The following AVEN variants were observed in gnomAD, a reference collection of about 807,000 sequenced individuals.
AVEN encodes the protein apoptosis and caspase activation inhibitor, also known as cell death regulator Aven.
In AVEN, 41 loss-of-function variants were observed where a neutral mutation model predicts 38.1. The observed-to-expected ratio is 1.08, with a 90% confidence interval of 0.84 to 1.40. AVEN has a LOEUF of 1.40. AVEN is among the 40% of genes most tolerant of loss of function. AVEN has a pLI of 0.00. For synonymous variants in AVEN, 206 were observed against 171.8 expected (o/e 1.20, Z -1.56); for missense variants, 605 against 438.8 (o/e 1.38, Z -3.38).
intron 1 of AVEN, chr15:34,018,174 T>G (rs752618259): frequency 6.6e-6 from 1 of 152,222 alleles, no homozygotes; most frequent in Non-Finnish European, 1.5e-5. Flanking sequence ...AAGAAGGCAT[T>G]GTTACATAGG....
chr15:33,950,115 G>C (rs1182518047), intron 2 of AVEN, among the ~76,000 whole-genome samples: 1 of 152,214 alleles, frequency 6.6e-6, no homozygotes, highest in Non-Finnish European at 1.5e-5. Context: ...GCCAGGCACA[G>C]CAAGACAAAT....
chr15:33,857,923 C>A (rs1158674603), downstream of AVEN: 1 of 1,380,066 alleles, frequency 7.2e-7, no homozygotes, highest in African/African-American at 3.6e-5. Context: ...CGGTGAGAGC[C>A]CACCCACTGC....
At position 33,914,415 on chromosome 15, in the gene AVEN, G is replaced by T. The variant is rs117616536; in HGVS notation, c.446-38420C>A. Among the ~76,000 whole-genome samples, 587 of 151,962 alleles carry T rather than the reference G, an allele frequency of 3.9e-3. 1 individual carries two copies. The highest frequency in any genetic ancestry group is 6.6e-3 in the Non-Finnish European group (448 of 67,976). On this transcript the variant is annotated intron_variant, in intron 2 of 5. Coordinates refer to ENST00000306730, the MANE Select transcript of AVEN (RefSeq NM_020371.3). ...AAAGTACATCTCAAATCACAAAGAT[G>T]ACCTTTTTAATACATAGGACTGGTA...
Position 34,063,227 on chromosome 15 carries a change from G to C in AVEN, n.1332C>G. On this transcript the variant is annotated non_coding_transcript_exon_variant, in exon 5 of 12. Coordinates refer to the AVEN transcript ENST00000675287. The surrounding 1 kb of genome is among the most constrained non-coding windows in gnomAD (Gnocchi z 4.1). ...GGGCCCCAGCAATCCTCTGCTGGCA[G>C]TACTTGGTTGGGAAGCGGACAGTTC... 1 of 1,614,178 alleles carries C rather than the reference G, an allele frequency of 6.2e-7. No individual in the cohort carries two copies. The highest frequency in any genetic ancestry group is 8.5e-7 in the Non-Finnish European group (1 of 1,180,044).
chr15:34,058,143 A>T (rs1414046408), intron 5 of AVEN, among the ~76,000 whole-genome samples: 1 of 152,160 alleles, frequency 6.6e-6, no homozygotes, highest in Non-Finnish European at 1.5e-5. Flanking sequence ...CCTTCAAATG[A>T]TCGAATGAGG....
At chr15:34,060,905 A>G (rs1417860845) in intron 5 of AVEN, among the ~76,000 whole-genome samples, 3 of 151,900 alleles carry the variant, frequency 2.0e-5, no homozygotes, top group Non-Finnish European at 4.4e-5. Flanking sequence ...AGTCCCAGCT[A>G]CTGGGGAGGC....
chr15:33,964,984 T>C (rs976096557), intron 2 of AVEN, among the ~76,000 whole-genome samples: 3 of 152,182 alleles, frequency 2.0e-5, no homozygotes, highest in Non-Finnish European at 4.4e-5. Flanking sequence ...ATACCACAGT[T>C]CAACATCTTA....
intron 1 of AVEN, among the ~76,000 whole-genome samples, chr15:34,006,268 G>A (rs561612441): frequency 2.0e-5 from 3 of 150,600 alleles, no homozygotes; most frequent in Non-Finnish European, 4.4e-5. Context: ...TCAAGATCAC[G>A]CCATTGCAAT....
At chr15:33,916,069 C>T (rs1222895901) in intron 2 of AVEN, among the ~76,000 whole-genome samples, 1 of 152,132 alleles carries the variant, frequency 6.6e-6, no homozygotes. Context: ...CTGCTCCCAT[C>T]TGATGGTTTT....
intron 2 of AVEN, among the ~76,000 whole-genome samples, chr15:33,945,902 A>G (rs1894491872): frequency 6.6e-6 from 1 of 152,212 alleles, no homozygotes; most frequent in Non-Finnish European, 1.5e-5. Flanking sequence ...GTTTATTTTT[A>G]AATAATTTCA....
intron 5 of AVEN, among the ~76,000 whole-genome samples, chr15:33,867,242 T>C (rs142105702): frequency 1.3e-5 from 2 of 152,282 alleles, no homozygotes; most frequent in Admixed American, 6.5e-5. Flanking sequence ...GGAAATTCCA[T>C]TTGCAGCCCC....
chr15:34,066,452 C>T (rs141030936), intron 3 of AVEN: 17 of 152,332 alleles, frequency 1.1e-4, no homozygotes, highest in African/African-American at 4.1e-4. Context: ...GGGCACTCCT[C>T]GCACACTCCG....
chr15:33,877,859 G>C (rs1475228965), intron 2 of AVEN, among the ~76,000 whole-genome samples: 1 of 152,206 alleles, frequency 6.6e-6, no homozygotes. Context: ...TGAGGCAGGA[G>C]AATTGCTTAA....
intron 5 of AVEN, among the ~76,000 whole-genome samples, chr15:34,050,408 C>T (rs1193245614): frequency 6.6e-6 from 1 of 152,158 alleles, no homozygotes; most frequent in Admixed American, 6.5e-5. Context: ...CACTGAAGTA[C>T]ACAGACCAGT....
At chr15:33,899,935 AG>A (rs1379720013) in intron 2 of AVEN, among the ~76,000 whole-genome samples, 2 of 141,866 alleles carry the variant, frequency 1.4e-5, no homozygotes, top group Non-Finnish European at 3.0e-5. Flanking sequence ...ATCACAGTTC[AG>A]TTTTTTTTTT....
intron 2 of AVEN, among the ~76,000 whole-genome samples, chr15:33,983,200 GTA>G (rs769965010): frequency 0.099 from 6,326 of 63,920 alleles, 248 homozygotes; most frequent in Admixed American, 0.17. Flanking sequence ...GTATGTGTGT[GTA>G]TATATATATA....
At chr15:33,905,908 T>C (rs1329821415) in intron 2 of AVEN, among the ~76,000 whole-genome samples, 2 of 152,160 alleles carry the variant, frequency 1.3e-5, no homozygotes, top group African/African-American at 2.4e-5. Context: ...ATGCATCTTA[T>C]GTTTAGCATA....
intron 1 of AVEN, among the ~76,000 whole-genome samples, chr15:34,007,373 C>T (rs1368129627): frequency 1.3e-5 from 2 of 152,080 alleles, no homozygotes; most frequent in Non-Finnish European, 1.5e-5. Flanking sequence ...ACAGAAGAGC[C>T]GACGGCCCCT....
At position 34,063,290 on chromosome 15, in the gene AVEN, C is replaced by T. The variant is rs139101467; in HGVS notation, n.1269G>A. 832 of 1,614,144 alleles carry T rather than the reference C, an allele frequency of 5.2e-4. 4 individuals are homozygous for T. The African/African-American group carries it at 0.01, about 20-fold the overall frequency. On this transcript the variant is annotated non_coding_transcript_exon_variant, in exon 5 of 12. Coordinates refer to the AVEN transcript ENST00000675287. This position sits in a 1 kb window ranked among gnomAD's most constrained non-coding sequence, Gnocchi z 4.1. ...GCCAGATCCAGTTTCTCTCTGAGCC[C>T]ACCATCACTTTTGGCACTGCCATTG...
Sources: allele counts gnomAD v4.1 joint callset (sites outside exome capture counted in the v4.1 genomes callset), GRCh38; gene constraint gnomAD v4.1.1; non-coding constraint Gnocchi (gnomAD v3.1); transcripts MANE v1.5; gene names NCBI Gene and HGNC (gene_info 2026-07-23, HGNC 2026-07-21).